The following SAMSN1 variants were observed in gnomAD, a reference collection of about 807,000 sequenced individuals.
The protein encoded by SAMSN1 is SAM domain-containing protein SAMSN-1.
In SAMSN1, 31 loss-of-function variants were observed where a neutral mutation model predicts 42.0. That is an observed-to-expected ratio of 0.74 (90% CI 0.55 to 1.00). SAMSN1 has a LOEUF of 1.00. Among genes scored for constraint, SAMSN1 ranks in the 50% least tolerant of loss-of-function variants. The pLI, the probability that SAMSN1 is intolerant of heterozygous loss-of-function variation, is 0.00. For synonymous variants in SAMSN1, 178 were observed against 151.9 expected (o/e 1.17, Z -1.26); for missense variants, 464 against 439.4 (o/e 1.06, Z -0.50).
upstream of SAMSN1, among the ~76,000 whole-genome samples, chr21:14,550,578 T>A (rs553064120): frequency 6.6e-6 from 1 of 152,118 alleles, no homozygotes. Flanking sequence ...GTCTACATGA[T>A]AAATTAATAT....
intron 1 of SAMSN1, among the ~76,000 whole-genome samples, chr21:14,657,352 A>G (rs1371227800): frequency 1.3e-5 from 2 of 151,806 alleles, no homozygotes; most frequent in Admixed American, 6.6e-5. Context: ...GACAGAAAAG[A>G]GTTACAGTCA....
chr21:14,594,143 A>G, intron 6 of SAMSN1: 1 of 626,680 alleles, frequency 1.6e-6, no homozygotes, highest in Non-Finnish European at 2.9e-6. Context: ...CAAAACAAAA[A>G]AACTCCACAA....
intron 2 of SAMSN1, among the ~76,000 whole-genome samples, chr21:14,561,100 A>G (rs1373363543): frequency 6.6e-6 from 1 of 152,146 alleles, no homozygotes; most frequent in Non-Finnish European, 1.5e-5. Flanking sequence ...TCTCCTGTAG[A>G]TAACATCACT....
intron 3 of SAMSN1, among the ~76,000 whole-genome samples, chr21:14,615,715 G>C (rs992834753): frequency 6.6e-6 from 1 of 151,942 alleles, no homozygotes. Context: ...CTTTAATCTA[G>C]GCCTGGTTTA....
rs191877800 is a variant in SAMSN1 at position 14,649,228 on chromosome 21, C to T, written c.25-6095G>A. On this transcript the variant is annotated intron_variant, in intron 1 of 15. Transcript: ENST00000647101. ...ATAGGTGGGAATTGCACAATGAGAT[C>T]ACATGGACACAGGAAGGGGAACATC... Among the ~76,000 whole-genome samples the T allele has an allele frequency of 3.6e-4, 50 of 137,176 alleles. No individual in the cohort carries two copies. In the East Asian group the frequency reaches 0.01, roughly 28 times the overall value. The allele number at this position is 137,176 out of a possible 152,430, so 90.0% of individuals were successfully genotyped here.
intron 3 of SAMSN1, among the ~76,000 whole-genome samples, chr21:14,515,741 T>C (rs1213583280): frequency 6.6e-6 from 1 of 152,174 alleles, no homozygotes; most frequent in African/African-American, 2.4e-5. Context: ...TTGCATGTCA[T>C]ATATCTGATA....
At chr21:14,487,825 C>T (rs568609371) in intron 7 of SAMSN1, among the ~76,000 whole-genome samples, 63 of 152,106 alleles carry the variant, frequency 4.1e-4, no homozygotes, top group African/African-American at 1.5e-3. Flanking sequence ...ATAACTAGTT[C>T]TAGATATAAG....
chr21:14,607,975 G>T (rs944850063), intron 5 of SAMSN1, among the ~76,000 whole-genome samples: 1 of 152,198 alleles, frequency 6.6e-6, no homozygotes, highest in East Asian at 1.9e-4. Flanking sequence ...ACTGACTGAA[G>T]GTGTGGATGC....
intron 1 of SAMSN1, among the ~76,000 whole-genome samples, chr21:14,647,387 A>G (rs1439828031): frequency 6.8e-6 from 1 of 147,428 alleles, no homozygotes; most frequent in Non-Finnish European, 1.5e-5. Flanking sequence ...TGGTTACTGC[A>G]GCCTTGTAGT....
chr21:14,503,124 T>A (rs1460603079), intron 5 of SAMSN1, among the ~76,000 whole-genome samples: 2 of 152,190 alleles, frequency 1.3e-5, no homozygotes, highest in Admixed American at 6.5e-5. Flanking sequence ...ATGTTACCCT[T>A]ATATAATAGG....
chr21:14,485,954 A>C lies in SAMSN1; in HGVS notation c.1080T>G (p.Ser360=). Residue 360 remains serine, a synonymous_variant, in exon 8 of 8, where the codon TCT becomes TCG. Coordinates refer to ENST00000400566, the MANE Select transcript of SAMSN1 (RefSeq NM_022136.5). ...GKEDLESENL[S]DMVHKIIITE... is the part of the protein sequence containing the mutation. ...TGATAATAATCTTATGTACCATGTC[A>C]GACAGATTTTCAGACTCCAGATCCT... The C allele has an allele frequency of 2.5e-6, 4 of 1,613,772 alleles. No homozygotes were observed. Among genetic ancestry groups the C allele is most frequent in the Non-Finnish European group, 3.4e-6 (4 of 1,179,734 alleles).
At chr21:14,511,874 T>C (rs1478947359) in intron 4 of SAMSN1, among the ~76,000 whole-genome samples, 1 of 152,230 alleles carries the variant, frequency 6.6e-6, no homozygotes, top group Non-Finnish European at 1.5e-5. Flanking sequence ...CCATTTATTA[T>C]TTGCATATTG....
At chr21:14,500,866 A>G (rs1402424914) in intron 5 of SAMSN1, 131 bp from the exon 6 acceptor site, 1 of 741,170 alleles carries the variant, frequency 1.3e-6, no homozygotes, top group South Asian at 1.8e-5. Context: ...ACAAATCTAA[A>G]CATTCACTTG....
intron 1 of SAMSN1, among the ~76,000 whole-genome samples, chr21:14,532,807 G>A (rs1287983372): frequency 6.6e-6 from 1 of 151,786 alleles, no homozygotes; most frequent in East Asian, 1.9e-4. Flanking sequence ...TCAAACAAAA[G>A]ATAAAAGATG....
chr21:14,540,058 A>G (rs967769709), intron 1 of SAMSN1, among the ~76,000 whole-genome samples: 1 of 152,232 alleles, frequency 6.6e-6, no homozygotes, highest in Non-Finnish European at 1.5e-5. Context: ...TCCCTATTTA[A>G]TAAATGGTGC....
intron 7 of SAMSN1, among the ~76,000 whole-genome samples, chr21:14,491,853 A>G (rs962317567): frequency 6.6e-6 from 1 of 152,240 alleles, no homozygotes; most frequent in African/African-American, 2.4e-5. Flanking sequence ...ATGATAAAAA[A>G]CTAATCTAAT....
At chr21:14,518,654 C>T (rs1988025766) in intron 2 of SAMSN1, among the ~76,000 whole-genome samples, 1 of 152,120 alleles carries the variant, frequency 6.6e-6, no homozygotes, top group African/African-American at 2.4e-5. Context: ...ACATAGTTAA[C>T]ATCATTATTA....
chr21:14,529,526 A>T (rs1043643563), intron 1 of SAMSN1, among the ~76,000 whole-genome samples: 1 of 152,252 alleles, frequency 6.6e-6, no homozygotes, highest in African/African-American at 2.4e-5. Context: ...ATGTAATTTA[A>T]CATAAATACA....
intron 2 of SAMSN1, among the ~76,000 whole-genome samples, chr21:14,633,463 G>A (rs1448479849): frequency 6.6e-6 from 1 of 152,172 alleles, no homozygotes; most frequent in Non-Finnish European, 1.5e-5. Context: ...GGTAAAAACT[G>A]GGTTCTGGAT....
Sources: allele counts gnomAD v4.1 joint callset (sites outside exome capture counted in the v4.1 genomes callset), GRCh38; gene constraint gnomAD v4.1.1; transcripts MANE v1.5; gene names NCBI Gene and HGNC (gene_info 2026-07-23, HGNC 2026-07-21).